TENM3: variants seen among roughly 807,000 people sequenced by gnomAD.
The protein encoded by TENM3 is teneurin transmembrane protein 3, also known as teneurin-3.
A neutral mutation model predicts 255.1 loss-of-function variants in TENM3; 63 were observed. The observed-to-expected ratio is 0.25, with a 90% CI of 0.20 to 0.30. TENM3 has a LOEUF of 0.30. Among genes scored for constraint, TENM3 ranks in the 10% least tolerant of loss-of-function variants. The pLI is 1.00. For synonymous variants in TENM3, 1,306 were observed against 1,322.3 expected (o/e 0.99, Z 0.27); for missense variants, 2,929 against 3,461.1 (o/e 0.85, Z 3.86).
the TENM3 span, among the ~76,000 whole-genome samples, chr4:181,725,420 C>CTT: frequency 0.013 from 1,788 of 133,756 alleles, 28 homozygotes; most frequent in African/African-American, 0.024. Context: ...CTTTTTCTTT[C>CTT]TTTTTTTTTT....
At chr4:181,924,948 G>A in the TENM3 span, among the ~76,000 whole-genome samples, 5 of 152,058 alleles carry the variant, frequency 3.3e-5, no homozygotes, top group African/African-American at 9.7e-5. Context: ...TCTTATAAAC[G>A]GCAGGTTGAA....
chr4:182,751,774 A>T, intron 19 of TENM3, 26 bp from the exon 20 acceptor site: 1 of 1,545,004 alleles, frequency 6.5e-7, no homozygotes, highest in Non-Finnish European at 9.0e-7. Context: ...ACTCCCTTTG[A>T]TGTTTATCTA....
chr4:182,689,476 A>G (rs956379066), intron 12 of TENM3, among the ~76,000 whole-genome samples: 5 of 152,182 alleles, frequency 3.3e-5, no homozygotes, highest in African/African-American at 7.2e-5. Flanking sequence ...CATCCTTGAC[A>G]TCTGTTTCAA....
the TENM3 span, among the ~76,000 whole-genome samples, chr4:182,134,326 A>C: frequency 6.6e-6 from 1 of 152,224 alleles, no homozygotes. Flanking sequence ...GCAGAGCTCC[A>C]TTAAGCCAGG....
the TENM3 span, among the ~76,000 whole-genome samples, chr4:181,940,204 C>A: frequency 5.9e-5 from 9 of 152,180 alleles, no homozygotes; most frequent in African/African-American, 2.2e-4. Context: ...TTGGTCTGTC[C>A]CTTTAGAATA....
intron 1 of TENM3, among the ~76,000 whole-genome samples, chr4:182,246,335 T>C (rs1286538280): frequency 6.6e-6 from 1 of 151,736 alleles, no homozygotes; most frequent in Non-Finnish European, 1.5e-5. Flanking sequence ...ATGAATGAGA[T>C]TCGCTATGAG....
the TENM3 span, among the ~76,000 whole-genome samples, chr4:181,826,573 T>A: frequency 6.6e-6 from 1 of 152,218 alleles, no homozygotes; most frequent in Non-Finnish European, 1.5e-5. Flanking sequence ...TCTGAGGCCA[T>A]CAGCAAAGTG....
intron 4 of TENM3, among the ~76,000 whole-genome samples, chr4:182,603,784 T>C (rs111490826): frequency 0.022 from 2,984 of 134,074 alleles, 134 homozygotes; most frequent in African/African-American, 0.051. Context: ...TATATATATA[T>C]ACACACACAC....
intron 3 of TENM3, among the ~76,000 whole-genome samples, chr4:182,508,736 T>C (rs996468331): frequency 1.3e-5 from 2 of 152,214 alleles, no homozygotes; most frequent in South Asian, 4.1e-4. Context: ...AATGGGTCCT[T>C]TCTTCTTTCC....
intron 3 of TENM3, among the ~76,000 whole-genome samples, chr4:182,543,345 G>A (rs1741089658): frequency 6.6e-6 from 1 of 152,140 alleles, no homozygotes; most frequent in African/African-American, 2.4e-5. Context: ...AAGAAGAAAG[G>A]TTCTATGTCA....
chr4:181,849,980 CACACACAG>C, the TENM3 span, among the ~76,000 whole-genome samples: 13 of 149,452 alleles, frequency 8.7e-5, no homozygotes, highest in African/African-American at 2.5e-4. Context: ...CACACACACA[CACACACAG>C]AGTCTTCCTC....
chr4:181,853,656 T>C, the TENM3 span, among the ~76,000 whole-genome samples: 1 of 152,178 alleles, frequency 6.6e-6, no homozygotes, highest in African/African-American at 2.4e-5. Context: ...CAGGAATAAA[T>C]GCAGGATGTG....
At chr4:182,205,991 A>G (rs1754542296) in intron 1 of TENM3, among the ~76,000 whole-genome samples, 1 of 152,200 alleles carries the variant, frequency 6.6e-6, no homozygotes, top group Non-Finnish European at 1.5e-5. Flanking sequence ...GAAGCTGGCC[A>G]AAAGACGTGA....
At chr4:181,923,855 C>G in the TENM3 span, among the ~76,000 whole-genome samples, 1 of 152,086 alleles carries the variant, frequency 6.6e-6, no homozygotes, top group Non-Finnish European at 1.5e-5. Flanking sequence ...GATCTAGGAA[C>G]AGAATTTTGA....
In TENM3 at chr4:182,386,946, C is replaced by T. The variant is rs558478347; in HGVS notation, c.511+40017C>T. The stretch of plus-strand genomic sequence containing the variant: ...GGCTGAGGAGTGCGAGCACATGGCG[C>T]GGGGCTGGCAGGCAGCTCCACCTGC... On this transcript the variant is annotated intron_variant, in intron 3 of 27. Transcript: ENST00000511685. Among the ~76,000 whole-genome samples the T allele has an allele frequency of 2.8e-4, 42 of 152,354 alleles. No individual in the cohort carries two copies. The South Asian group carries it at 5.6e-3, about 20-fold the overall frequency.
At chr4:181,916,745 C>T in the TENM3 span, among the ~76,000 whole-genome samples, 18 of 152,060 alleles carry the variant, frequency 1.2e-4, no homozygotes, top group Admixed American at 2.6e-4. Context: ...GGCATGGTGG[C>T]GCGTGCTCGT....
chr4:181,697,841 T>C, the TENM3 span, among the ~76,000 whole-genome samples: 1 of 152,368 alleles, frequency 6.6e-6, no homozygotes, highest in Non-Finnish European at 1.5e-5. Context: ...ATTTATTGAA[T>C]GCCTACTCTG....
At chr4:181,551,884 G>A in the TENM3 span, among the ~76,000 whole-genome samples, 19,221 of 74,754 alleles carry the variant, frequency 0.26, 1,572 homozygotes, top group Middle Eastern at 0.47. Flanking sequence ...GTGTGTGTGT[G>A]TGTGTATATA....
At chr4:182,156,221 A>G (rs1750692043) in intron 1 of TENM3, among the ~76,000 whole-genome samples, 1 of 152,182 alleles carries the variant, frequency 6.6e-6, no homozygotes, top group Admixed American at 6.5e-5. Context: ...ATTTTGGCTT[A>G]ACTAATATGC....
Sources: allele counts gnomAD v4.1 joint callset (sites outside exome capture counted in the v4.1 genomes callset), GRCh38; gene constraint gnomAD v4.1.1; transcripts MANE v1.5; gene names NCBI Gene and HGNC (gene_info 2026-07-23, HGNC 2026-07-21).